Variants in SYNE1 observed in about 807,000 individuals in gnomAD.
SYNE1 encodes the protein spectrin repeat containing nuclear envelope protein 1.
SYNE1 carries 616 observed loss-of-function variants against 1,111.0 expected under a neutral mutation model. That is an observed-to-expected ratio of 0.55 (90% confidence interval 0.52 to 0.59). The LOEUF (loss-of-function observed/expected upper bound fraction) is 0.59. Ranked by LOEUF, SYNE1 falls within the 20% of genes least tolerant of loss-of-function variation. The probability of loss-of-function intolerance (pLI) is 0.00; values close to 1 mark genes in which losing one functional copy is unlikely to be tolerated. For missense variants in SYNE1, 10,006 were observed against 10,417.0 expected (o/e 0.96, Z 1.72); for synonymous variants, 3,855 against 3,825.8 (o/e 1.01, Z -0.28).
rs865853299 is a variant in SYNE1, at chr6:152,390,385, G to A, written c.8072C>T (p.Ala2691Val). ...LNMAIGKGEQ[A>V]LRSSNKEGQR... Reference sequence around the variant, plus strand: ...ACCTTCTTTGTTGCTACTTCTCAAGGCCTGTTCCCCCTTGCCAATGGCCAT... The same window carrying A: ...ACCTTCTTTGTTGCTACTTCTCAAGACCTGTTCCCCCTTGCCAATGGCCAT... Residue 2691 changes from alanine (A) to valine (V), a missense_variant, in exon 53 of 146, where the codon GCC becomes GTC. By Grantham distance (64) the Ala-to-Val change is moderately conservative (BLOSUM62 0). Transcript: ENST00000367255. 2 of 1,614,058 alleles carry A rather than the reference G, an allele frequency of 1.2e-6. No homozygotes were observed. Among genetic ancestry groups the A allele is most frequent in the Middle Eastern group, 1.7e-4 (1 of 6,056 alleles).
intron 25 of SYNE1, among the ~76,000 whole-genome samples, chr6:152,452,333 C>A (rs2098658159): frequency 6.6e-6 from 1 of 151,920 alleles, no homozygotes; most frequent in Non-Finnish European, 1.5e-5. Flanking sequence ...TAAAATACAA[C>A]CTTCAGTTAT....
At chr6:152,544,524 T>A (rs1172026710) in intron 3 of SYNE1, among the ~76,000 whole-genome samples, 1 of 150,332 alleles carries the variant, frequency 6.7e-6, no homozygotes, top group Non-Finnish European at 1.5e-5. Flanking sequence ...TACCGTAGTA[T>A]CCCTCCGTAG....
intron 6 of SYNE1, among the ~76,000 whole-genome samples, chr6:152,512,417 A>G (rs746312022): frequency 6.6e-6 from 1 of 152,194 alleles, no homozygotes. Flanking sequence ...AGAATCTACT[A>G]TGATCTCTAG....
At chr6:152,516,969 A>T (rs1408264949) in intron 6 of SYNE1, among the ~76,000 whole-genome samples, 1 of 152,192 alleles carries the variant, frequency 6.6e-6, no homozygotes, top group Non-Finnish European at 1.5e-5. Context: ...GAAAGAAGAG[A>T]AACCCTTCAA....
At chr6:152,478,145 T>C (rs769632794) in intron 14 of SYNE1, among the ~76,000 whole-genome samples, 7 of 152,132 alleles carry the variant, frequency 4.6e-5, no homozygotes, top group African/African-American at 1.7e-4. Context: ...AACTGGCCAT[T>C]GGATGAGGAA....
Position 152,206,355 on chromosome 6 carries a change from T to G in SYNE1, c.22832A>C (p.Glu7611Ala). 1 of 1,613,810 alleles carries G rather than the reference T, an allele frequency of 6.2e-7. No homozygotes were observed. Among genetic ancestry groups the G allele is most frequent in the Non-Finnish European group, 8.5e-7 (1 of 1,179,924 alleles). ...GCCTTGTTGCCGCAGAAACACTTTTTCTTTGAACTGAAAGGAACCATAGCT... is the reference window on the plus strand; with the variant it reads ...GCCTTGTTGCCGCAGAAACACTTTTGCTTTGAACTGAAAGGAACCATAGCT... ...RTLFDEVQFK[E>A]KVFLRQQGSY... Residue 7611 changes from glutamate to alanine, a missense_variant, in exon 126 of 146, where the codon GAA becomes GCA. Transcript: ENST00000367255.
intron 3 of SYNE1, among the ~76,000 whole-genome samples, chr6:152,540,813 G>A (rs2099265723): frequency 6.6e-6 from 1 of 152,178 alleles, no homozygotes; most frequent in South Asian, 2.1e-4. Flanking sequence ...GGAGTGAAGT[G>A]CAATCTCAGT....
At position 152,367,220 on chromosome 6, in the gene SYNE1, C is replaced by T. The variant is rs756667067; in HGVS notation, c.9970G>A (p.Glu3324Lys). The T allele has an allele frequency of 3.1e-6, 5 of 1,614,178 alleles. No individual in the cohort carries two copies. Among genetic ancestry groups the T allele is most frequent in the East Asian group, 4.5e-5 (2 of 44,880 alleles). The change falls in exon 62 of 146, where the codon GAG (glutamate) becomes AAG (lysine). Residue 3324 changes from glutamate to lysine, a missense_variant and splice_region_variant. Coordinates refer to ENST00000367255, the MANE Select transcript of SYNE1 (RefSeq NM_182961.4). ...TATTTCTGTGTAAAGATGCACACCT[C>T]GAGCTTGAGCGTCCTGCTGTCCAGC... Reference protein sequence around the residue: ...SVLDSRTLKLEALLSVKQEKE... With the variant: ...SVLDSRTLKLKALLSVKQEKE...
chr6:152,441,111 C>G lies in SYNE1; in HGVS notation c.4149+19G>C. ...CTTTGTTTTTTCTGAATATTGGGTA[C>G]CAAGGAGCCATAATATACCTTTGTT... On this transcript the variant is annotated intron_variant, in intron 32 of 145. Coordinates refer to ENST00000367255, the MANE Select transcript of SYNE1 (RefSeq NM_182961.4). The G allele has an allele frequency of 1.2e-6, 2 of 1,612,766 alleles. No individual in the cohort carries two copies. Among genetic ancestry groups the G allele is most frequent in the Non-Finnish European group, 1.7e-6 (2 of 1,179,814 alleles).
intron 3 of SYNE1, among the ~76,000 whole-genome samples, chr6:152,618,912 C>A (rs2099668494): frequency 6.6e-6 from 1 of 152,146 alleles, no homozygotes; most frequent in South Asian, 2.1e-4. Flanking sequence ...AAATTCTCAA[C>A]TATTTAAAAT....
chr6:152,591,108 G>T (rs1345965026), intron 3 of SYNE1, among the ~76,000 whole-genome samples: 1 of 152,126 alleles, frequency 6.6e-6, no homozygotes, highest in East Asian at 1.9e-4. Context: ...TAACCTCTTT[G>T]GGTAGGTGCA....
intron 14 of SYNE1, among the ~76,000 whole-genome samples, chr6:152,480,979 A>G (rs7759578): frequency 0.49 from 74,777 of 151,848 alleles, 20,234 homozygotes; most frequent in East Asian, 0.76. Flanking sequence ...ACTGTCTCTC[A>G]AGGGAGCTAG....
chr6:152,479,664 A>G (rs1279259853), intron 14 of SYNE1, among the ~76,000 whole-genome samples: 2 of 152,220 alleles, frequency 1.3e-5, no homozygotes, highest in African/African-American at 4.8e-5. Context: ...GGACTGAAAC[A>G]TGGTTAAGTC....
intron 3 of SYNE1, among the ~76,000 whole-genome samples, chr6:152,545,041 T>A (rs1186221807): frequency 6.6e-6 from 1 of 152,204 alleles, no homozygotes; most frequent in African/African-American, 2.4e-5. Context: ...TTAAAATACA[T>A]GACAATATCC....
intron 59 of SYNE1, 50 bp from the exon 60 acceptor site, chr6:152,369,664 G>A (rs1591299869): frequency 1.2e-6 from 2 of 1,605,628 alleles, no homozygotes; most frequent in East Asian, 2.2e-5. Flanking sequence ...TTAATAGCAA[G>A]TCCAAGGTCC....
intron 57 of SYNE1, 65 bp from the exon 58 acceptor site, chr6:152,376,623 G>C: frequency 6.3e-7 from 1 of 1,592,500 alleles, no homozygotes; most frequent in East Asian, 2.3e-5. Flanking sequence ...AATCATGTTT[G>C]ATAGAATCAC....
In SYNE1 at chr6:152,458,851, G is replaced by C; in HGVS notation, c.2474C>G (p.Thr825Arg). 4 of 1,614,044 alleles carry C rather than the reference G, an allele frequency of 2.5e-6. No individual in the cohort carries two copies. The highest frequency in any genetic ancestry group is 3.4e-6 in the Non-Finnish European group (4 of 1,179,972). The change falls in exon 22 of 146, where the codon ACG (threonine) becomes AGG (arginine). Residue 825 changes from threonine (T) to arginine (R), a missense_variant. By Grantham distance (71) the Thr-to-Arg change is moderately conservative (BLOSUM62 -1). Around this residue, in one of 7 missense-constraint regions of SYNE1, gnomAD observed 1,971 missense variants for 2,084.1 expected, o/e 0.95. Transcript: ENST00000367255. ...TTTCCCAAGTGAGTCATAAAAGGACGTCATCTGCTTTTCTAATTCCTCCAA... is the reference window on the plus strand; with the variant it reads ...TTTCCCAAGTGAGTCATAAAAGGACCTCATCTGCTTTTCTAATTCCTCCAA... Reference protein sequence around the residue: ...IPLEELEKQMTSFYDSLGKIN... With the variant: ...IPLEELEKQMRSFYDSLGKIN...
At chr6:152,520,658 A>C in intron 5 of SYNE1, 116 bp from the exon 6 acceptor site, 1 of 1,137,784 alleles carries the variant, frequency 8.8e-7, no homozygotes, top group Admixed American at 1.9e-5. Context: ...AAAGCAACCA[A>C]CATTGTTCAC....
At chr6:152,287,749 G>A (rs1014874835) in intron 95 of SYNE1, among the ~76,000 whole-genome samples, 3 of 152,066 alleles carry the variant, frequency 2.0e-5, no homozygotes, top group Non-Finnish European at 2.9e-5. Context: ...GTTTCACCAT[G>A]TTGGCCAGGC....
Sources: gnomAD v4.1 joint callset for allele counts (sites outside exome capture counted in the v4.1 genomes callset) on GRCh38, gnomAD v4.1.1 for gene constraint, gnomAD v4.1.1 regional missense constraint, MANE v1.5 for transcripts, NCBI Gene and HGNC (gene_info 2026-07-23, HGNC 2026-07-21) for gene names.